Variants in WWOX observed in about 807,000 individuals in gnomAD.
WWOX encodes the protein WW domain-containing oxidoreductase.
WWOX carries 69 observed loss-of-function variants against 46.2 expected under a neutral mutation model. The observed-to-expected ratio is 1.49, with a 90% CI of 1.23 to 1.82. The LOEUF (loss-of-function observed/expected upper bound fraction) is 1.82. Among genes scored for constraint, WWOX ranks in the 40% most tolerant of loss-of-function variants. WWOX has a pLI of 0.00. For synonymous variants in WWOX, 359 were observed against 202.6 expected (o/e 1.77, Z -6.56); for missense variants, 919 against 542.6 (o/e 1.69, Z -6.89).
intron 8 of WWOX, among the ~76,000 whole-genome samples, chr16:79,043,276 C>T (rs1057325760): frequency 1.3e-5 from 2 of 151,106 alleles, no homozygotes; most frequent in African/African-American, 4.9e-5. Context: ...GTGAATTAAA[C>T]CTCTACCAGA....
chr16:78,497,999 G>A (rs946141065), intron 8 of WWOX, among the ~76,000 whole-genome samples: 2 of 151,998 alleles, frequency 1.3e-5, no homozygotes, highest in African/African-American at 2.4e-5. Flanking sequence ...TCGGGAGATC[G>A]AGACCATCCT....
chr16:78,368,801 A>G (rs527455094), intron 5 of WWOX, among the ~76,000 whole-genome samples: 1 of 152,246 alleles, frequency 6.6e-6, no homozygotes, highest in African/African-American at 2.4e-5. Context: ...CCATTGGGCC[A>G]TGGGATAGGT....
In WWOX at chr16:78,182,950, C is replaced by CA. The variant is rs1193436425; in HGVS notation, c.516+18678dup. On this transcript the variant is annotated intron_variant, in intron 5 of 8. Transcript: ENST00000566780. ...TGGGTGACAGAGCGAGAATCTGTCT[C>CA]AAAAAAAAAAAAAAAAAGAAAGAAA... is the stretch of plus-strand genomic sequence containing the variant. 8.4e-3 allele frequency among the ~76,000 whole-genome samples: 961 copies of CA among 114,838 alleles called. 14 individuals carry two copies. The highest frequency in any genetic ancestry group is 0.024 in the African/African-American group (748 of 31,614). The allele number at this position is 114,838 out of a possible 152,430, so 75.3% of individuals were successfully genotyped here.
At chr16:78,900,495 A>G (rs748807612) in intron 8 of WWOX, among the ~76,000 whole-genome samples, 51 of 152,244 alleles carry the variant, frequency 3.3e-4, no homozygotes, top group Non-Finnish European at 6.3e-4. Flanking sequence ...ACAACTTTCA[A>G]GAAACCCACA....
chr16:78,733,409 C>T (rs923965172), intron 8 of WWOX, among the ~76,000 whole-genome samples: 1 of 152,044 alleles, frequency 6.6e-6, no homozygotes. Context: ...GAGCTACAAT[C>T]ATACCACTGC....
At chr16:78,148,469 C>T (rs956572448) in intron 4 of WWOX, among the ~76,000 whole-genome samples, 3 of 151,914 alleles carry the variant, frequency 2.0e-5, no homozygotes, top group Admixed American at 6.6e-5. Context: ...TTCTTGAGAA[C>T]CTTTAAAAGA....
At chr16:78,522,798 G>T (rs937755189) in intron 8 of WWOX, among the ~76,000 whole-genome samples, 1 of 152,194 alleles carries the variant, frequency 6.6e-6, no homozygotes. Flanking sequence ...TGGGCCAGGC[G>T]CAGTGGCTCA....
intron 8 of WWOX, among the ~76,000 whole-genome samples, chr16:78,778,530 A>G (rs1025695005): frequency 1.3e-5 from 2 of 152,170 alleles, no homozygotes; most frequent in Admixed American, 6.5e-5. Flanking sequence ...TCATTTCACA[A>G]TTTGGGTGAG....
intron 5 of WWOX, among the ~76,000 whole-genome samples, chr16:78,353,394 C>T (rs1280334804): frequency 5.3e-5 from 8 of 152,140 alleles, no homozygotes; most frequent in African/African-American, 1.7e-4. Flanking sequence ...TGTGAGCCTT[C>T]CAGGGGTGTA....
At position 78,377,832 on chromosome 16, in the gene WWOX, G is replaced by A. The variant is rs1325133097; in HGVS notation, c.517-9028G>A. ...ACTAAATTAAATAAGCTGTTATCTG[G>A]TGCAATTTCTCCTTGAATAGACTTA... On this transcript the variant is annotated intron_variant, in intron 5 of 8. Coordinates refer to ENST00000566780, the MANE Select transcript of WWOX (RefSeq NM_016373.4). 2.0e-5 allele frequency among the ~76,000 whole-genome samples: 3 copies of A among 152,212 alleles called. No individual in the cohort carries two copies. In the East Asian group the frequency reaches 5.8e-4, roughly 29 times the overall value.
intron 5 of WWOX, among the ~76,000 whole-genome samples, chr16:78,228,437 G>T (rs559451090): frequency 1.3e-5 from 2 of 150,432 alleles, no homozygotes; most frequent in Non-Finnish European, 2.9e-5. Context: ...GACCTCCTGG[G>T]TTCAAGAGAT....
intron 8 of WWOX, among the ~76,000 whole-genome samples, chr16:78,874,183 G>T (rs1454668367): frequency 6.6e-6 from 1 of 151,500 alleles, no homozygotes. Flanking sequence ...TTGAACCCAG[G>T]AGGTGAAGGT....
intron 5 of WWOX, among the ~76,000 whole-genome samples, chr16:78,212,321 A>G (rs1406007331): frequency 6.6e-6 from 1 of 152,182 alleles, no homozygotes; most frequent in Non-Finnish European, 1.5e-5. Flanking sequence ...AGAGGAAACA[A>G]TTTGCATTGG....
intron 8 of WWOX, among the ~76,000 whole-genome samples, chr16:78,732,738 A>G (rs557282680): frequency 5.9e-5 from 9 of 152,308 alleles, no homozygotes; most frequent in Admixed American, 3.9e-4. Flanking sequence ...TAAATAAAAT[A>G]AAAGTAAATA....
intron 8 of WWOX, among the ~76,000 whole-genome samples, chr16:78,975,387 CA>C (rs2046550891): frequency 1.3e-5 from 2 of 151,658 alleles, no homozygotes; most frequent in African/African-American, 4.8e-5. Flanking sequence ...ACCCTTGCAA[CA>C]AAATCTTACG....
At chr16:78,913,292 C>G (rs2045159157) in intron 8 of WWOX, among the ~76,000 whole-genome samples, 1 of 151,890 alleles carries the variant, frequency 6.6e-6, no homozygotes, top group Non-Finnish European at 1.5e-5. Flanking sequence ...CCGTTTTTTG[C>G]CTCTTCCTGG....
chr16:78,162,377 G>T (rs2034822872), intron 4 of WWOX, among the ~76,000 whole-genome samples: 1 of 151,164 alleles, frequency 6.6e-6, no homozygotes, highest in South Asian at 2.1e-4. Flanking sequence ...GCCTTGCTTT[G>T]ACATGTATGT....
chr16:78,951,286 C>G (rs2046054537), intron 8 of WWOX, among the ~76,000 whole-genome samples: 1 of 152,144 alleles, frequency 6.6e-6, no homozygotes, highest in Non-Finnish European at 1.5e-5. Context: ...CAGCATGCGC[C>G]CATAGCCTTA....
intron 8 of WWOX, among the ~76,000 whole-genome samples, chr16:79,071,111 C>T (rs547089699): frequency 6.6e-6 from 1 of 152,196 alleles, no homozygotes; most frequent in Non-Finnish European, 1.5e-5. Context: ...ATTCCATAGA[C>T]TGTGAAGTCT....
Sources: gnomAD v4.1 joint callset for allele counts (sites outside exome capture counted in the v4.1 genomes callset) on GRCh38, gnomAD v4.1.1 for gene constraint, MANE v1.5 for transcripts, NCBI Gene and HGNC (gene_info 2026-07-23, HGNC 2026-07-21) for gene names.